MAGI2: variants seen among roughly 807,000 people sequenced by gnomAD.
MAGI2 encodes the protein membrane associated guanylate kinase, WW and PDZ domain containing 2.
Under a neutral mutation model 133.3 loss-of-function variants are expected in MAGI2, and 35 were observed. The ratio of observed to expected loss-of-function variants is 0.26; its 90% CI spans 0.20 to 0.35. The LOEUF is 0.35. Among genes scored for constraint, MAGI2 ranks in the 10% least tolerant of loss-of-function variants. MAGI2 has a pLI of 1.00. For synonymous variants in MAGI2, 729 were observed against 710.6 expected (o/e 1.03, Z -0.41); for missense variants, 1,636 against 1,863.4 (o/e 0.88, Z 2.25).
chr7:78,041,295 A>G (rs1810810321), intron 21 of MAGI2, among the ~76,000 whole-genome samples: 1 of 152,220 alleles, frequency 6.6e-6, no homozygotes, highest in Admixed American at 6.5e-5. Flanking sequence ...GTTTGGTTGA[A>G]TGAAAGACAT....
chr7:78,406,945 T>C (rs1352154777), intron 6 of MAGI2, among the ~76,000 whole-genome samples: 1 of 152,016 alleles, frequency 6.6e-6, no homozygotes, highest in African/African-American at 2.4e-5. Context: ...TCTAAGTGTT[T>C]CCTTATTGTG....
chr7:79,218,800 A>T (rs1830224367), intron 1 of MAGI2, among the ~76,000 whole-genome samples: 1 of 152,184 alleles, frequency 6.6e-6, no homozygotes, highest in South Asian at 2.1e-4. Context: ...AACTGATAAG[A>T]TTGGCAGTAC....
intron 1 of MAGI2, among the ~76,000 whole-genome samples, chr7:79,309,183 C>A (rs1383998408): frequency 6.6e-6 from 1 of 151,878 alleles, no homozygotes; most frequent in African/African-American, 2.4e-5. Context: ...TAATGCATTT[C>A]TCTTTTACCT....
intron 1 of MAGI2, among the ~76,000 whole-genome samples, chr7:79,136,008 A>AGAAAGAAG (rs1562928826): frequency 5.8e-5 from 7 of 121,394 alleles, no homozygotes; most frequent in South Asian, 2.5e-4. Flanking sequence ...AGAAAGAGAA[A>AGAAAGAAG]GAAAGAAAGA....
chr7:78,567,701 T>C (rs1322024644), intron 3 of MAGI2, among the ~76,000 whole-genome samples: 2 of 152,156 alleles, frequency 1.3e-5, no homozygotes, highest in South Asian at 2.1e-4. Flanking sequence ...TTTTCCTCTC[T>C]TTACTGGATC....
chr7:78,850,324 G>A (rs1793023713), intron 2 of MAGI2, among the ~76,000 whole-genome samples: 2 of 152,072 alleles, frequency 1.3e-5, no homozygotes, highest in Non-Finnish European at 2.9e-5. Context: ...CTGCTGTAGT[G>A]CAAAGTCTCT....
At chr7:78,110,754 C>G (rs1382734423) in intron 20 of MAGI2, among the ~76,000 whole-genome samples, 1 of 152,172 alleles carries the variant, frequency 6.6e-6, no homozygotes, top group Admixed American at 6.5e-5. Flanking sequence ...GCAATGCCAT[C>G]TCTGAGTTCA....
chr7:78,691,447 A>T (rs1246374683), intron 2 of MAGI2, among the ~76,000 whole-genome samples: 6 of 152,206 alleles, frequency 3.9e-5, no homozygotes, highest in Admixed American at 3.9e-4. Flanking sequence ...ATTACTGAGA[A>T]AATGGAAAAT....
At chr7:78,231,712 C>T (rs1190766100) in intron 10 of MAGI2, among the ~76,000 whole-genome samples, 2 of 152,132 alleles carry the variant, frequency 1.3e-5, no homozygotes, top group Non-Finnish European at 2.9e-5. Flanking sequence ...TAAACAAGCT[C>T]TCTTTTCCCT....
At chr7:78,582,730 T>TA (rs1348330145) in intron 3 of MAGI2, among the ~76,000 whole-genome samples, 1 of 152,230 alleles carries the variant, frequency 6.6e-6, no homozygotes, top group East Asian at 1.9e-4. Context: ...ACACATTTGT[T>TA]ACGGCAGCTA....
chr7:78,420,599 C>T (rs1798708636), intron 6 of MAGI2, among the ~76,000 whole-genome samples: 2 of 149,928 alleles, frequency 1.3e-5, no homozygotes, highest in African/African-American at 4.9e-5. Context: ...GATGGAAAAT[C>T]CTATTTCATT....
chr7:78,336,758 A>C (rs906378045), intron 9 of MAGI2, among the ~76,000 whole-genome samples: 6 of 152,056 alleles, frequency 3.9e-5, no homozygotes, highest in African/African-American at 1.4e-4. Flanking sequence ...AGAAGAGAGA[A>C]GAAAGAAGCA....
At chr7:78,823,653 G>A (rs181241770) in intron 2 of MAGI2, among the ~76,000 whole-genome samples, 3 of 151,906 alleles carry the variant, frequency 2.0e-5, no homozygotes, top group Admixed American at 2.0e-4. Flanking sequence ...TCATTTTTAG[G>A]TGATAAAGAA....
At chr7:79,007,232 A>C in intron 1 of MAGI2, 26 bp from the exon 2 acceptor site, 1 of 1,389,838 alleles carries the variant, frequency 7.2e-7, no homozygotes, top group Non-Finnish European at 1.0e-6. Context: ...GTTTCTTGGT[A>C]AGGGATGTTG....
At chr7:78,191,176 T>A (rs755483064) in intron 12 of MAGI2, among the ~76,000 whole-genome samples, 19 of 152,198 alleles carry the variant, frequency 1.2e-4, no homozygotes, top group Non-Finnish European at 2.4e-4. Flanking sequence ...GTTATACTTT[T>A]ATATATGTAA....
chr7:78,620,957 G>C (rs1367453349), intron 3 of MAGI2, among the ~76,000 whole-genome samples: 1 of 151,984 alleles, frequency 6.6e-6, no homozygotes, highest in Non-Finnish European at 1.5e-5. Context: ...GGGGAGGTAG[G>C]TTTAGTTAAT....
At chr7:79,024,939 G>A (rs1809723945) in intron 1 of MAGI2, among the ~76,000 whole-genome samples, 1 of 152,108 alleles carries the variant, frequency 6.6e-6, no homozygotes, top group Non-Finnish European at 1.5e-5. Context: ...GTGAAGGGCT[G>A]TTTGGTGATT....
At chr7:79,337,752 G>T (rs1840545606) in intron 1 of MAGI2, among the ~76,000 whole-genome samples, 1 of 152,078 alleles carries the variant, frequency 6.6e-6, no homozygotes, top group Non-Finnish European at 1.5e-5. Flanking sequence ...ACCACATAGG[G>T]CAATGCTCAT....
intron 2 of MAGI2, among the ~76,000 whole-genome samples, chr7:78,649,477 A>G (rs188967164): frequency 1.2e-4 from 19 of 152,256 alleles, no homozygotes; most frequent in Non-Finnish European, 2.1e-4. Flanking sequence ...ATGTGGAGAC[A>G]GCCGCTAAAA....
Sources: gnomAD v4.1 joint callset for allele counts (sites outside exome capture counted in the v4.1 genomes callset) on GRCh38, gnomAD v4.1.1 for gene constraint, MANE v1.5 for transcripts, NCBI Gene and HGNC (gene_info 2026-07-23, HGNC 2026-07-21) for gene names.